FRG1: variants seen among roughly 807,000 people sequenced by gnomAD.
FRG1 encodes the protein FSHD region gene 1, also known as protein FRG1.
In FRG1, 19 loss-of-function variants were observed where a neutral mutation model predicts 37.0. The ratio of observed to expected loss-of-function variants is 0.51; its 90% CI spans 0.36 to 0.75. FRG1 has a LOEUF of 0.75. FRG1 is among the 30% of genes least tolerant of loss of function. The probability of loss-of-function intolerance (pLI) is 0.00; values close to 1 mark genes in which losing one functional copy is unlikely to be tolerated. For synonymous variants in FRG1, 73 were observed against 96.5 expected (o/e 0.76, Z 1.43); for missense variants, 243 against 301.4 (o/e 0.81, Z 1.44).
chr4:189,962,445 A>T (rs1317907936), intron 8 of FRG1, among the ~76,000 whole-genome samples: 1 of 152,202 alleles, frequency 6.6e-6, no homozygotes, highest in Non-Finnish European at 1.5e-5. Context: ...GATTTATGAC[A>T]TAGAAAAACA....
chr4:189,945,124 TAGTCTA>T (rs976390789), intron 2 of FRG1, among the ~76,000 whole-genome samples: 5 of 152,250 alleles, frequency 3.3e-5, no homozygotes, highest in Non-Finnish European at 5.9e-5. Flanking sequence ...AGTGACTTTG[TAGTCTA>T]AGTCTGTTTC....
chr4:189,947,924 A>T (rs1428970174), intron 2 of FRG1, among the ~76,000 whole-genome samples: 1 of 152,212 alleles, frequency 6.6e-6, no homozygotes, highest in Non-Finnish European at 1.5e-5. Context: ...ACAAGTGTGT[A>T]TGAGATTTGC....
At chr4:189,946,498 C>T (rs1163053755) in intron 2 of FRG1, among the ~76,000 whole-genome samples, 1 of 151,136 alleles carries the variant, frequency 6.6e-6, no homozygotes, top group Non-Finnish European at 1.5e-5. Flanking sequence ...TATTTTTTTC[C>T]TCCCTTTAAC....
At chr4:189,957,652 T>C (rs1371244732) in intron 6 of FRG1, 150 bp downstream of exon 6, 3 of 710,130 alleles carry the variant, frequency 4.2e-6, no homozygotes, top group South Asian at 1.8e-5. Context: ...CATTTTTAAT[T>C]ATAAATCCCA....
At chr4:189,959,136 A>G (rs7675870) in intron 6 of FRG1, among the ~76,000 whole-genome samples, 59,885 of 152,154 alleles carry the variant, frequency 0.39, 13,020 homozygotes, top group African/African-American at 0.59. Flanking sequence ...ATCTCTGTAC[A>G]TACTTCATGT....
chr4:189,941,680 T>C (rs1736308445), intron 1 of FRG1, among the ~76,000 whole-genome samples: 1 of 152,240 alleles, frequency 6.6e-6, no homozygotes, highest in Non-Finnish European at 1.5e-5. Context: ...ACGTTTTTTA[T>C]ACTTTTAGAA....
In FRG1 at chr4:189,952,092, A is replaced by G. The variant is rs918656228; in HGVS notation, c.134-70A>G. On this transcript the variant is annotated intron_variant, in intron 2 of 8. Coordinates refer to ENST00000226798, the MANE Select transcript of FRG1 (RefSeq NM_004477.3). ...AATAAGAAGTTTTTAAAATTAAGTT[A>G]TAATAACAAAAAAAAGAACTCTGTG... is the stretch of plus-strand genomic sequence containing the variant. 6.3e-6 allele frequency: 7 copies of G among 1,119,960 alleles called. No homozygotes were observed. In the African/African-American group the frequency reaches 8.3e-5, roughly 13 times the overall value. 69.4% of individuals were successfully genotyped at this position (1,119,960 alleles called of 1,614,324 possible).
At chr4:189,945,701 T>C (rs1451873401) in intron 2 of FRG1, among the ~76,000 whole-genome samples, 1 of 152,208 alleles carries the variant, frequency 6.6e-6, no homozygotes, top group Non-Finnish European at 1.5e-5. Context: ...ATGGGAGATA[T>C]TGGACTTTTG....
intron 5 of FRG1, among the ~76,000 whole-genome samples, chr4:189,956,288 C>T (rs1234431264): frequency 2.0e-5 from 3 of 151,952 alleles, no homozygotes; most frequent in Admixed American, 2.0e-4. Flanking sequence ...TGTTGCAACC[C>T]CTTTGAGATG....
intron 8 of FRG1, among the ~76,000 whole-genome samples, chr4:189,962,559 CT>C (rs111564591): frequency 1.3e-5 from 2 of 151,808 alleles, no homozygotes; most frequent in African/African-American, 2.4e-5. Context: ...TACTCTTACC[CT>C]TTTTTTTACA....
At position 189,941,085 on chromosome 4, in the gene FRG1, C is replaced by T. The variant is rs1231738066; in HGVS notation, c.62+14C>T. On this transcript the variant is annotated intron_variant, in intron 1 of 8. Coordinates refer to ENST00000226798, the MANE Select transcript of FRG1 (RefSeq NM_004477.3). ...CAAGACGAAGAGGTGGGTCCTGCAG[C>T]TTGGGCGGGAGCCTCCTCCGTTCTT... 6.2e-7 allele frequency: 1 copy of T among 1,611,880 alleles called. No homozygotes were observed. Among genetic ancestry groups the T allele is most frequent in the Non-Finnish European group, 8.5e-7 (1 of 1,177,992 alleles).
intron 2 of FRG1, 47 bp from the exon 3 acceptor site, chr4:189,952,115 G>T: frequency 7.2e-7 from 1 of 1,389,250 alleles, no homozygotes. Flanking sequence ...AAAGAACTCT[G>T]TGTCAAAACT....
At chr4:189,949,233 A>T (rs1358555987) in intron 2 of FRG1, among the ~76,000 whole-genome samples, 2 of 152,224 alleles carry the variant, frequency 1.3e-5, no homozygotes, top group Non-Finnish European at 2.9e-5. Context: ...CATAGGATCC[A>T]CTGCTTTCTC....
intron 4 of FRG1, 66 bp from the exon 5 acceptor site, chr4:189,954,971 T>A: frequency 1.1e-6 from 1 of 936,088 alleles, no homozygotes; most frequent in Non-Finnish European, 1.7e-6. Context: ...ACGCATGTCC[T>A]GTTTTGATGT....
intron 6 of FRG1, among the ~76,000 whole-genome samples, chr4:189,957,939 GT>G (rs1247413750): frequency 6.6e-6 from 1 of 151,588 alleles, no homozygotes; most frequent in East Asian, 1.9e-4. Context: ...CTTTCCCTTT[GT>G]TTTTTTATAG....
At chr4:189,957,169 T>A (rs1218293428) in intron 5 of FRG1, among the ~76,000 whole-genome samples, 34 of 146,342 alleles carry the variant, frequency 2.3e-4, no homozygotes, top group African/African-American at 8.2e-4. Context: ...AATTTAGTCC[T>A]ACTAGGAAGA....
chr4:189,943,408 A>T (rs1736402713), intron 2 of FRG1, 136 bp downstream of exon 2: 1 of 977,322 alleles, frequency 1.0e-6, no homozygotes, highest in South Asian at 2.0e-5. Context: ...TACAGTTATA[A>T]ATTCCATTTA....
rs560184849 is a variant in FRG1, at chr4:189,958,866, A to C, written c.537+1364A>C. Among the ~76,000 whole-genome samples the C allele has an allele frequency of 2.0e-5, 3 of 152,338 alleles. No homozygotes were observed. In the East Asian group the frequency reaches 5.8e-4, roughly 29 times the overall value. On this transcript the variant is annotated intron_variant, in intron 6 of 8. Transcript: ENST00000226798. ...AAAGAATAACTCCCCACTTCTTGACACATGGCTTTTCTGTGTCTTGGCATT... is the reference window on the plus strand; with the variant it reads ...AAAGAATAACTCCCCACTTCTTGACCCATGGCTTTTCTGTGTCTTGGCATT...
chr4:189,953,214 A>G, intron 4 of FRG1, 89 bp downstream of exon 4: 1 of 1,441,204 alleles, frequency 6.9e-7, no homozygotes, highest in Non-Finnish European at 9.1e-7. Flanking sequence ...TCTTAAGCCC[A>G]CAGGGTAATT....
Sources: gnomAD v4.1 joint callset for allele counts (sites outside exome capture counted in the v4.1 genomes callset) on GRCh38, gnomAD v4.1.1 for gene constraint, MANE v1.5 for transcripts, NCBI Gene and HGNC (gene_info 2026-07-23, HGNC 2026-07-21) for gene names.